The following CSRNP3 variants were observed in gnomAD, a reference collection of about 807,000 sequenced individuals.
The protein encoded by CSRNP3 is cysteine and serine rich nuclear protein 3.
CSRNP3 carries 12 observed loss-of-function variants against 48.0 expected under a neutral mutation model. The ratio of observed to expected loss-of-function variants is 0.25; its 90% CI spans 0.16 to 0.41. The LOEUF (loss-of-function observed/expected upper bound fraction) is 0.41. Ranked by LOEUF, CSRNP3 falls within the 10% of genes least tolerant of loss-of-function variation. The pLI, the probability that CSRNP3 is intolerant of heterozygous loss-of-function variation, is 1.00. For synonymous variants in CSRNP3, 263 were observed against 269.7 expected (o/e 0.98, Z 0.24); for missense variants, 580 against 724.4 (o/e 0.80, Z 2.29).
intron 4 of CSRNP3, among the ~76,000 whole-genome samples, chr2:165,607,465 C>T (rs1006955539): frequency 6.6e-6 from 1 of 152,048 alleles, no homozygotes; most frequent in Non-Finnish European, 1.5e-5. Flanking sequence ...AAGTAGGGAC[C>T]CATATCTTCC....
chr2:165,579,639 C>T (rs898528887), intron 3 of CSRNP3, among the ~76,000 whole-genome samples: 1 of 152,102 alleles, frequency 6.6e-6, no homozygotes, highest in Non-Finnish European at 1.5e-5. Context: ...GCATAAAGCA[C>T]CTAATTATAC....
intron 4 of CSRNP3, among the ~76,000 whole-genome samples, chr2:165,614,555 C>G (rs1189207257): frequency 2.0e-5 from 3 of 152,264 alleles, no homozygotes; most frequent in African/African-American, 7.2e-5. Flanking sequence ...ATGATGTTAG[C>G]TGTGTGTTTG....
intron 4 of CSRNP3, among the ~76,000 whole-genome samples, chr2:165,617,068 AT>A (rs1311241844): frequency 6.6e-6 from 1 of 151,672 alleles, no homozygotes; most frequent in Non-Finnish European, 1.5e-5. Context: ...TGATTTTCTA[AT>A]TTTTTTATTG....
intron 3 of CSRNP3, among the ~76,000 whole-genome samples, chr2:165,589,552 G>A (rs1685683899): frequency 6.6e-6 from 1 of 152,134 alleles, no homozygotes; most frequent in South Asian, 2.1e-4. Flanking sequence ...CTTAAATACT[G>A]ATCACACTCT....
At chr2:165,609,968 G>C (rs1195875041) in intron 4 of CSRNP3, among the ~76,000 whole-genome samples, 1 of 152,180 alleles carries the variant, frequency 6.6e-6, no homozygotes, top group South Asian at 2.1e-4. Flanking sequence ...GCTGGCATTA[G>C]TCCTAAAATA....
At position 165,679,105 on chromosome 2, in the gene CSRNP3, C is replaced by CGAG; in HGVS notation, c.1122_1124dup (p.Glu383dup). On this transcript the variant is annotated inframe_insertion, in exon 7 of 7. Transcript: ENST00000651982. Reference sequence around the variant, plus strand: ...AAAGCTTGGCACCTAGTGAGTCAGACGAGGAGGAGGAGGAAGAAGAAGAGG... The same window carrying CGAG: ...AAAGCTTGGCACCTAGTGAGTCAGACGAGGAGGAGGAGGAGGAAGAAGAAGAGG... The CGAG allele has an allele frequency of 2.5e-6, 4 of 1,612,270 alleles. No homozygotes were observed. The highest frequency in any genetic ancestry group is 3.4e-6 in the Non-Finnish European group (4 of 1,179,092).
At chr2:165,538,403 CCTT>C (rs1376581472) in intron 3 of CSRNP3, among the ~76,000 whole-genome samples, 1 of 151,880 alleles carries the variant, frequency 6.6e-6, no homozygotes, top group Non-Finnish European at 1.5e-5. Context: ...CTAGCTTTCT[CCTT>C]CTTTGAAGAT....
chr2:165,566,968 A>G (rs894947047), intron 3 of CSRNP3: 3 of 152,132 alleles, frequency 2.0e-5, no homozygotes, highest in Non-Finnish European at 4.4e-5. Context: ...AAATAAACAT[A>G]TGCTCATTCT....
intron 4 of CSRNP3, among the ~76,000 whole-genome samples, chr2:165,649,820 T>G (rs1390935305): frequency 2.6e-5 from 4 of 152,226 alleles, no homozygotes; most frequent in Non-Finnish European, 5.9e-5. Flanking sequence ...ATTAAGATAC[T>G]TTTTTACATT....
chr2:165,647,113 C>T (rs2105338739), intron 4 of CSRNP3, among the ~76,000 whole-genome samples: 1 of 151,792 alleles, frequency 6.6e-6, no homozygotes, highest in African/African-American at 2.4e-5. Context: ...ATATGTAATG[C>T]TTTCCATCTG....
intron 4 of CSRNP3, among the ~76,000 whole-genome samples, chr2:165,600,102 G>C: frequency 7.4e-6 from 1 of 134,800 alleles, no homozygotes; most frequent in Non-Finnish European, 1.6e-5. Flanking sequence ...CCCCACAACA[G>C]TCCCCAGAGT....
intron 3 of CSRNP3, among the ~76,000 whole-genome samples, chr2:165,547,874 C>G (rs952956688): frequency 6.6e-6 from 1 of 152,178 alleles, no homozygotes. Flanking sequence ...ATAATGACCT[C>G]AAGTTACCCA....
chr2:165,533,074 A>G (rs1028535691), intron 3 of CSRNP3, among the ~76,000 whole-genome samples: 4 of 152,146 alleles, frequency 2.6e-5, no homozygotes, highest in African/African-American at 9.6e-5. Context: ...TTTAAATGTG[A>G]ACATTTCAGA....
intron 3 of CSRNP3, among the ~76,000 whole-genome samples, chr2:165,573,907 C>T (rs1238029783): frequency 6.6e-6 from 1 of 151,958 alleles, no homozygotes; most frequent in African/African-American, 2.4e-5. Context: ...TGGCCTTCCA[C>T]ACGTATTTAA....
At chr2:165,557,553 C>T (rs1558933761) in intron 3 of CSRNP3, among the ~76,000 whole-genome samples, 1 of 152,188 alleles carries the variant, frequency 6.6e-6, no homozygotes, top group Non-Finnish European at 1.5e-5. Flanking sequence ...GATGATAGGA[C>T]TGTGCAAATA....
chr2:165,494,242 C>T (rs1217089503), intron 1 of CSRNP3, among the ~76,000 whole-genome samples: 5 of 152,058 alleles, frequency 3.3e-5, no homozygotes, highest in East Asian at 1.9e-4. Context: ...CTGCAGGTAT[C>T]GCCATTCCTA....
At chr2:165,553,425 T>G (rs1322206955) in intron 3 of CSRNP3, among the ~76,000 whole-genome samples, 1 of 152,220 alleles carries the variant, frequency 6.6e-6, no homozygotes, top group Non-Finnish European at 1.5e-5. Flanking sequence ...CCTATTTTCA[T>G]ACAGCCAAAC....
chr2:165,630,970 G>T (rs576616612), intron 4 of CSRNP3, among the ~76,000 whole-genome samples: 3 of 152,134 alleles, frequency 2.0e-5, no homozygotes, highest in Non-Finnish European at 4.4e-5. Flanking sequence ...TAGGGCCAAG[G>T]TTTCTAATTA....
At chr2:165,506,696 C>T (rs1684430737) in intron 2 of CSRNP3, among the ~76,000 whole-genome samples, 1 of 152,116 alleles carries the variant, frequency 6.6e-6, no homozygotes, top group African/African-American at 2.4e-5. Flanking sequence ...CCCTCAAAAC[C>T]ATTGTAACTA....
Sources: gnomAD v4.1 joint callset for allele counts (sites outside exome capture counted in the v4.1 genomes callset) on GRCh38, gnomAD v4.1.1 for gene constraint, MANE v1.5 for transcripts, NCBI Gene and HGNC (gene_info 2026-07-23, HGNC 2026-07-21) for gene names.